Variants in SEM1 observed in about 807,000 individuals in gnomAD.
The protein encoded by SEM1 is SEM1 26S proteasome subunit, also known as 26S proteasome complex subunit SEM1.
In SEM1, 3 loss-of-function variants were observed where a neutral mutation model predicts 12.7. The ratio of observed to expected loss-of-function variants is 0.24; its 90% CI spans 0.11 to 0.61. SEM1 has a LOEUF of 0.61. Ranked by LOEUF, SEM1 falls within the 20% of genes least tolerant of loss-of-function variation. The pLI, the probability that SEM1 is intolerant of heterozygous loss-of-function variation, is 0.88. For synonymous variants in SEM1, 30 were observed against 27.8 expected, an observed-to-expected ratio of 1.08 and a Z score of -0.25; for missense variants, 59 against 81.3, an observed-to-expected ratio of 0.73 and a Z score of 1.06.
intron 3 of SEM1, chr7:96,484,733 C>G (rs1802684768): frequency 1.4e-6 from 1 of 698,130 alleles, no homozygotes; most frequent in Admixed American, 2.7e-5. Flanking sequence ...CCGAATGACT[C>G]AATTTCACTG....
At chr7:96,553,637 C>T (rs1805373665) in intron 2 of SEM1, among the ~76,000 whole-genome samples, 1 of 152,118 alleles carries the variant, frequency 6.6e-6, no homozygotes, top group South Asian at 2.1e-4. Flanking sequence ...GTGATGCCTC[C>T]AGCTTTGTTC....
At chr7:96,485,992 T>C (rs1270778163) in intron 2 of SEM1, among the ~76,000 whole-genome samples, 1 of 152,128 alleles carries the variant, frequency 6.6e-6, no homozygotes. Flanking sequence ...TTTTCTGATA[T>C]GTGATAAGCT....
intron 1 of SEM1, among the ~76,000 whole-genome samples, chr7:96,495,695 C>G (rs1223694312): frequency 6.6e-6 from 1 of 152,158 alleles, no homozygotes; most frequent in East Asian, 1.9e-4. Flanking sequence ...TTCCTTTCCC[C>G]TCTTCCAAAC....
chr7:96,632,502 A>G (rs1394251849), intron 2 of SEM1, among the ~76,000 whole-genome samples: 1 of 152,096 alleles, frequency 6.6e-6, no homozygotes, highest in Non-Finnish European at 1.5e-5. Context: ...GAGCTGAACA[A>G]TGAGAACGCA....
At chr7:96,636,222 G>A (rs1011851064) in intron 2 of SEM1, among the ~76,000 whole-genome samples, 6 of 152,028 alleles carry the variant, frequency 3.9e-5, no homozygotes, top group African/African-American at 1.2e-4. Context: ...AGCAAGGTGA[G>A]TCTTCCAATC....
chr7:96,644,847 C>G (rs1221719096), intron 2 of SEM1, among the ~76,000 whole-genome samples: 1 of 152,158 alleles, frequency 6.6e-6, no homozygotes, highest in Non-Finnish European at 1.5e-5. Flanking sequence ...TGTGAGTATT[C>G]TGTCTCACCA....
intron 2 of SEM1, among the ~76,000 whole-genome samples, chr7:96,548,289 C>A (rs73390953): frequency 0.021 from 3,241 of 152,180 alleles, 101 homozygotes; most frequent in African/African-American, 0.075. Context: ...CCATTCTGAG[C>A]CCATCTTTCC....
At chr7:96,701,755 C>G (rs183521540) in intron 1 of SEM1, among the ~76,000 whole-genome samples, 8 of 151,822 alleles carry the variant, frequency 5.3e-5, no homozygotes, top group African/African-American at 1.9e-4. Flanking sequence ...TTCATGAGGT[C>G]AGTAATGACT....
At position 96,531,949 on chromosome 7, in the gene SEM1, A is replaced by G. The variant is rs1454717110; in HGVS notation, c.171-25251T>C. On this transcript the variant is annotated intron_variant and NMD_transcript_variant, in intron 2 of 3. Coordinates refer to the SEM1 transcript ENST00000466986. ...TTACAGATCTAATTGAAATGTCTTCATCTGCTCTGTGAAGACTTCCTCAAT... is the reference window on the plus strand; with the variant it reads ...TTACAGATCTAATTGAAATGTCTTCGTCTGCTCTGTGAAGACTTCCTCAAT... Among the ~76,000 whole-genome samples the G allele has an allele frequency of 4.6e-5, 7 of 152,138 alleles. No homozygotes were observed. In the East Asian group the frequency reaches 1.4e-3, roughly 30 times the overall value.
chr7:96,701,824 A>C (rs2115984070), intron 1 of SEM1, among the ~76,000 whole-genome samples: 1 of 152,280 alleles, frequency 6.6e-6, no homozygotes, highest in Non-Finnish European at 1.5e-5. Context: ...TGTAGATGAA[A>C]ACATAAATTG....
exon 4 of SEM1, chr7:96,483,820 C>T (rs1802639699): frequency 1.3e-6 from 2 of 1,535,866 alleles, no homozygotes; most frequent in African/African-American, 2.7e-5. Flanking sequence ...GATGTGGGCA[C>T]CATATGACCA....
rs376880847 is a variant in SEM1 at position 96,674,495 on chromosome 7, AAAAC to A, written c.171-640_171-637del. ...AACATAAGGAGACTCTTTCTCTAAA[AAAAC>A]AAACAAACAAAAAAATTAGCTGAGC... On this transcript the variant is annotated intron_variant, in intron 2 of 2. Coordinates refer to the SEM1 transcript ENST00000413065. Among the ~76,000 whole-genome samples, 757 of 152,014 alleles carry A rather than the reference AAAAC, an allele frequency of 5.0e-3. 8 individuals are homozygous for A. The highest frequency in any genetic ancestry group is 0.017 in the African/African-American group (720 of 41,442).
chr7:96,585,673 G>A (rs550003836), intron 2 of SEM1, among the ~76,000 whole-genome samples: 35 of 152,322 alleles, frequency 2.3e-4, no homozygotes, highest in South Asian at 1.7e-3. Flanking sequence ...CTCCTGATGC[G>A]CTGTTTTTTA....
chr7:96,662,591 A>G (rs1419133352), intron 2 of SEM1, among the ~76,000 whole-genome samples: 5 of 152,150 alleles, frequency 3.3e-5, no homozygotes, highest in East Asian at 3.9e-4. Flanking sequence ...AACCTAGATG[A>G]CGGGTTGATA....
chr7:96,698,206 T>A (rs1790157476), intron 1 of SEM1, among the ~76,000 whole-genome samples: 1 of 152,142 alleles, frequency 6.6e-6, no homozygotes, highest in South Asian at 2.1e-4. Flanking sequence ...AAAAAAAATA[T>A]AAGTCTGGCA....
intron 1 of SEM1, among the ~76,000 whole-genome samples, chr7:96,707,529 C>T (rs975930161): frequency 6.6e-6 from 1 of 152,138 alleles, no homozygotes; most frequent in South Asian, 2.1e-4. Context: ...ACATTTATAC[C>T]TGAAGACAAC....
chr7:96,561,039 C>T (rs1805674663), intron 2 of SEM1, among the ~76,000 whole-genome samples: 1 of 152,108 alleles, frequency 6.6e-6, no homozygotes, highest in African/African-American at 2.4e-5. Flanking sequence ...ACCTCAGTCT[C>T]CCCAGTAGCT....
At chr7:96,573,399 T>G (rs1021622788) in intron 2 of SEM1, among the ~76,000 whole-genome samples, 1 of 152,084 alleles carries the variant, frequency 6.6e-6, no homozygotes, top group East Asian at 1.9e-4. Flanking sequence ...TTGCAGTGGC[T>G]GGTACCGGTT....
chr7:96,572,562 G>C (rs1806071425), intron 2 of SEM1, among the ~76,000 whole-genome samples: 1 of 152,160 alleles, frequency 6.6e-6, no homozygotes, highest in South Asian at 2.1e-4. Flanking sequence ...TTCAGGAGCA[G>C]GTTGTTCAGT....
Sources: allele counts gnomAD v4.1 joint callset (sites outside exome capture counted in the v4.1 genomes callset), GRCh38; gene constraint gnomAD v4.1.1; transcripts MANE v1.5; gene names NCBI Gene and HGNC (gene_info 2026-07-23, HGNC 2026-07-21).